The following PRR23E variants were observed in gnomAD, a reference collection of about 807,000 sequenced individuals.
PRR23E encodes the protein PRR23 family member E.
At chr3:127,197,567 C>T in the PRR23E span, 2 of 478,100 alleles carry the variant, frequency 4.2e-6, no homozygotes, top group Non-Finnish European at 6.5e-6. Flanking sequence ...TGCAAGGCCC[C>T]TCTATTTGCT....
chr3:127,196,634 G>C, the PRR23E span: 1 of 1,515,740 alleles, frequency 6.6e-7, no homozygotes, highest in South Asian at 1.3e-5. Context: ...AGCTTGCAGA[G>C]GAGTGCACTT....
the PRR23E span, chr3:127,196,503 C>A: frequency 3.1e-6 from 3 of 963,782 alleles, no homozygotes; most frequent in African/African-American, 5.0e-5. Context: ...TCTTCTGTCA[C>A]CTCACCCCCA....
At chr3:127,196,594 C>T in the PRR23E span, 1 of 1,450,112 alleles carries the variant, frequency 6.9e-7, no homozygotes, top group South Asian at 1.4e-5. Flanking sequence ...CCCACAGATA[C>T]CAGGAGCCCC....
chr3:127,194,766 C>T, the PRR23E span, among the ~76,000 whole-genome samples: 1 of 152,190 alleles, frequency 6.6e-6, no homozygotes, highest in Admixed American at 6.5e-5. Flanking sequence ...TCCTCAGCTT[C>T]TGTCCCTGCA....
chr3:127,197,138 C>T, the PRR23E span: 1 of 1,596,014 alleles, frequency 6.3e-7, no homozygotes, highest in South Asian at 1.1e-5. Flanking sequence ...CCACCTCCAG[C>T]CACTGTCCCC....
At chr3:127,196,492 C>A in the PRR23E span, 8 of 860,352 alleles carry the variant, frequency 9.3e-6, no homozygotes, top group Non-Finnish European at 1.4e-5. Context: ...TTGATCTTGG[C>A]TCTTCTGTCA....
At chr3:127,197,556 A>G in the PRR23E span, 2 of 542,386 alleles carry the variant, frequency 3.7e-6, no homozygotes, top group South Asian at 6.5e-5. Flanking sequence ...TCCTGGACTC[A>G]TGCAAGGCCC....
chr3:127,195,828 T>C, the PRR23E span, among the ~76,000 whole-genome samples: 100 of 152,326 alleles, frequency 6.6e-4, no homozygotes, highest in Non-Finnish European at 1.2e-3. Flanking sequence ...AGTCAAAGCA[T>C]GTACTGCGCA....
the PRR23E span, among the ~76,000 whole-genome samples, chr3:127,195,017 C>G: frequency 6.6e-6 from 1 of 152,200 alleles, no homozygotes; most frequent in Admixed American, 6.5e-5. Context: ...GGACCCCAGC[C>G]AGGAGAAAGA....
chr3:127,196,563 TC>T, the PRR23E span: 1 of 1,373,354 alleles, frequency 7.3e-7, no homozygotes, highest in East Asian at 2.7e-5. Flanking sequence ...CTCCCTGCCC[TC>T]TGACTGGCTG....
chr3:127,194,328 G>A, the PRR23E span, among the ~76,000 whole-genome samples: 6 of 150,912 alleles, frequency 4.0e-5, no homozygotes, highest in Non-Finnish European at 8.9e-5. Flanking sequence ...GATAGCTGAA[G>A]AACTAAAAAA....
chr3:127,195,277 A>G, the PRR23E span, among the ~76,000 whole-genome samples: 3 of 151,684 alleles, frequency 2.0e-5, no homozygotes, highest in Non-Finnish European at 4.4e-5. Flanking sequence ...CCTTACATCC[A>G]TTTCTCTTCC....
chr3:127,193,651 C>T, the PRR23E span, among the ~76,000 whole-genome samples: 1 of 152,182 alleles, frequency 6.6e-6, no homozygotes, highest in Non-Finnish European at 1.5e-5. Flanking sequence ...CAGGCCCGCC[C>T]TAGGGGACCC....
the PRR23E span, among the ~76,000 whole-genome samples, chr3:127,194,740 G>A: frequency 6.6e-6 from 1 of 152,096 alleles, no homozygotes; most frequent in Non-Finnish European, 1.5e-5. Flanking sequence ...ATCTCAGCTG[G>A]GCCTCCTCCT....
At chr3:127,194,464 C>G in the PRR23E span, among the ~76,000 whole-genome samples, 1 of 152,182 alleles carries the variant, frequency 6.6e-6, no homozygotes, top group Non-Finnish European at 1.5e-5. Flanking sequence ...TGCAAGGATA[C>G]GCGTATCACA....
the PRR23E span, chr3:127,196,622 T>G: frequency 6.7e-7 from 1 of 1,490,924 alleles, no homozygotes; most frequent in Admixed American, 2.1e-5. Context: ...GCGTGTGGCC[T>G]CAGCTTGCAG....
At chr3:127,197,061 A>G in the PRR23E span, 1 of 1,595,236 alleles carries the variant, frequency 6.3e-7, no homozygotes, top group Non-Finnish European at 8.5e-7. Flanking sequence ...CTTGGCCCCC[A>G]ACCTATTTCC....
At chr3:127,197,186 G>A in the PRR23E span, 33 of 1,592,940 alleles carry the variant, frequency 2.1e-5, 2 homozygotes, top group East Asian at 4.5e-5. Flanking sequence ...CAGCCCCCAG[G>A]GCTGCCGTAG....
At chr3:127,197,381 C>T in the PRR23E span, 1 of 1,559,926 alleles carries the variant, frequency 6.4e-7, no homozygotes, top group Admixed American at 1.8e-5. Context: ...CCCGGTCACC[C>T]TGCAGGGCCC....
Sources: allele counts gnomAD v4.1 joint callset (sites outside exome capture counted in the v4.1 genomes callset), GRCh38; gene constraint gnomAD v4.1.1; transcripts MANE v1.5; gene names NCBI Gene and HGNC (gene_info 2026-07-23, HGNC 2026-07-21).